Variants in KATNBL1 observed in about 807,000 individuals in gnomAD.
The protein encoded by KATNBL1 is KATNB1-like protein 1.
In KATNBL1, 28 loss-of-function variants were observed where a neutral mutation model predicts 44.7. The observed-to-expected ratio is 0.63, with a 90% CI of 0.46 to 0.86. The LOEUF (loss-of-function observed/expected upper bound fraction) is 0.86, where lower values mean the gene tolerates loss of function less well. Ranked by LOEUF, KATNBL1 falls within the 40% of genes least tolerant of loss-of-function variation. KATNBL1 has a pLI of 0.00. For synonymous variants in KATNBL1, 78 were observed against 114.9 expected (o/e 0.68, Z 2.06); for missense variants, 272 against 350.7 (o/e 0.78, Z 1.79).
intron 1 of KATNBL1, among the ~76,000 whole-genome samples, chr15:34,186,357 G>A (rs1241832230): frequency 6.6e-6 from 1 of 152,198 alleles, no homozygotes; most frequent in East Asian, 1.9e-4. Context: ...CTGCTTTACT[G>A]AGCAAGCAGG....
At chr15:34,176,956 T>C (rs953236700) in intron 1 of KATNBL1, among the ~76,000 whole-genome samples, 6 of 152,140 alleles carry the variant, frequency 3.9e-5, no homozygotes, top group Admixed American at 3.9e-4. Flanking sequence ...CTATGCGCTT[T>C]TGAAGTGCTA....
chr15:34,172,760 G>GACACACACACACAC (rs34182114), intron 1 of KATNBL1, among the ~76,000 whole-genome samples: 1 of 146,426 alleles, frequency 6.8e-6, no homozygotes, highest in Non-Finnish European at 1.5e-5. Context: ...CACAGACACA[G>GACACACACACACAC]ACACACACAC....
At chr15:34,199,088 C>A (rs1890099129) in intron 1 of KATNBL1, among the ~76,000 whole-genome samples, 1 of 152,132 alleles carries the variant, frequency 6.6e-6, no homozygotes, top group Non-Finnish European at 1.5e-5. Context: ...CAAAAGGGTA[C>A]CCCATCAGGT....
intron 2 of KATNBL1, among the ~76,000 whole-genome samples, chr15:34,160,187 T>C (rs1187076904): frequency 6.6e-6 from 1 of 152,236 alleles, no homozygotes; most frequent in Non-Finnish European, 1.5e-5. Context: ...TTTTCTTTTC[T>C]ACCTTTGAGC....
At chr15:34,155,355 A>G (rs982029995) in intron 2 of KATNBL1, among the ~76,000 whole-genome samples, 4 of 152,138 alleles carry the variant, frequency 2.6e-5, no homozygotes, top group African/African-American at 9.7e-5. Flanking sequence ...AACTGAGAGA[A>G]GTTTTAGTAA....
chr15:34,194,536 C>A (rs1889980145), intron 1 of KATNBL1, among the ~76,000 whole-genome samples: 1 of 151,982 alleles, frequency 6.6e-6, no homozygotes, highest in Non-Finnish European at 1.5e-5. Context: ...GGTGGGAGGA[C>A]AGCTTGAGCC....
intron 2 of KATNBL1, among the ~76,000 whole-genome samples, chr15:34,155,903 G>A (rs1035805484): frequency 1.3e-5 from 2 of 152,142 alleles, no homozygotes; most frequent in African/African-American, 2.4e-5. Flanking sequence ...GGTACTCCTC[G>A]TGGGACTCTA....
chr15:34,169,968 C>T (rs530444762), intron 1 of KATNBL1, among the ~76,000 whole-genome samples: 15 of 152,194 alleles, frequency 9.9e-5, no homozygotes, highest in African/African-American at 3.4e-4. Context: ...TATGACAATC[C>T]CACAGCCAAT....
intron 1 of KATNBL1, among the ~76,000 whole-genome samples, chr15:34,178,479 C>T (rs956004098): frequency 2.6e-5 from 4 of 152,036 alleles, no homozygotes; most frequent in South Asian, 2.1e-4. Context: ...TTCAATGGGC[C>T]GGGCGTGGTG....
chr15:34,200,141 C>T (rs1890140399), intron 1 of KATNBL1, among the ~76,000 whole-genome samples: 1 of 152,160 alleles, frequency 6.6e-6, no homozygotes, highest in Non-Finnish European at 1.5e-5. Flanking sequence ...AGTCCCCACC[C>T]AACCCAGAAA....
At chr15:34,162,466 C>T (rs1439302894) in intron 2 of KATNBL1, among the ~76,000 whole-genome samples, 3 of 152,272 alleles carry the variant, frequency 2.0e-5, no homozygotes, top group South Asian at 2.1e-4. Flanking sequence ...TTAGAGATTA[C>T]CCAGTCTCAG....
At chr15:34,202,817 C>G (rs1023961295) in intron 1 of KATNBL1, among the ~76,000 whole-genome samples, 7 of 152,044 alleles carry the variant, frequency 4.6e-5, no homozygotes, top group Admixed American at 2.0e-4. Context: ...ACGGTGAAAA[C>G]CCATCTCTAC....
intron 1 of KATNBL1, among the ~76,000 whole-genome samples, chr15:34,206,837 TA>T (rs1232709317): frequency 6.6e-6 from 1 of 152,032 alleles, no homozygotes; most frequent in Non-Finnish European, 1.5e-5. Context: ...CCTTCCAATT[TA>T]AAAAGTGTAT....
chr15:34,184,575 TC>T (rs1226526510), intron 1 of KATNBL1, among the ~76,000 whole-genome samples: 1 of 48,560 alleles, frequency 2.1e-5, no homozygotes, highest in African/African-American at 6.7e-5. Context: ...TCCTAATGTT[TC>T]TTTTTTTTTT....
chr15:34,156,279 TG>T (rs1193454614), intron 2 of KATNBL1, among the ~76,000 whole-genome samples: 1 of 152,128 alleles, frequency 6.6e-6, no homozygotes, highest in Non-Finnish European at 1.5e-5. Flanking sequence ...GGCTAACCTG[TG>T]GGGTCTTGAA....
Position 34,153,152 on chromosome 15 carries a change from A to C in KATNBL1, c.159-83T>G. 3 of 859,330 alleles carry C rather than the reference A, an allele frequency of 3.5e-6. No homozygotes were observed. The South Asian group carries it at 6.0e-5, about 17-fold the overall frequency. The allele number at this position is 859,330 out of a possible 1,614,324, so 53.2% of individuals were successfully genotyped here. ...TTTTTAAACAGAGAATTAATAGGCTATATTTGGTGATTGTAATCCACTAAA... is the reference window on the plus strand; with the variant it reads ...TTTTTAAACAGAGAATTAATAGGCTCTATTTGGTGATTGTAATCCACTAAA... On this transcript the variant is annotated intron_variant, in intron 3 of 9. Coordinates refer to ENST00000256544, the MANE Select transcript of KATNBL1 (RefSeq NM_024713.3).
intron 1 of KATNBL1, among the ~76,000 whole-genome samples, chr15:34,173,966 C>T (rs941041195): frequency 1.3e-5 from 2 of 152,060 alleles, no homozygotes; most frequent in African/African-American, 4.8e-5. Context: ...TTTAGCCAAA[C>T]AAAACAAATG....
chr15:34,201,645 G>A lies in KATNBL1; in HGVS notation c.-15+8306C>T, dbSNP rs975639075. 3.9e-5 allele frequency among the ~76,000 whole-genome samples: 6 copies of A among 152,198 alleles called. No homozygotes were observed. In the East Asian group the frequency reaches 5.8e-4, roughly 15 times the overall value. On this transcript the variant is annotated intron_variant, in intron 1 of 9. Coordinates refer to ENST00000256544, the MANE Select transcript of KATNBL1 (RefSeq NM_024713.3). ...TATTCTAGCATGTTTTGGTGAATTC[G>A]CCAAATTCCAATTTACTTTCCCTGT...
chr15:34,194,584 A>C (rs1456764000), intron 1 of KATNBL1, among the ~76,000 whole-genome samples: 2 of 152,194 alleles, frequency 1.3e-5, no homozygotes, highest in Non-Finnish European at 2.9e-5. Flanking sequence ...AGATTGTGCC[A>C]CTGCACTCCA....
Sources: allele counts gnomAD v4.1 joint callset (sites outside exome capture counted in the v4.1 genomes callset), GRCh38; gene constraint gnomAD v4.1.1; transcripts MANE v1.5; gene names NCBI Gene and HGNC (gene_info 2026-07-23, HGNC 2026-07-21).